Variants in INSL6 observed in about 807,000 individuals in gnomAD.
INSL6 encodes the protein insulin like 6.
INSL6 carries 16 observed loss-of-function variants against 9.4 expected under a neutral mutation model. The observed-to-expected ratio is 1.70, with a 90% CI of 1.15 to 2.59. The LOEUF (loss-of-function observed/expected upper bound fraction) is 2.59. INSL6 is among the 30% of genes most tolerant of loss of function. The pLI is 0.00. For missense variants in INSL6, 391 were observed against 257.3 expected, an observed-to-expected ratio of 1.52 and a Z score of -3.56; for synonymous variants, 154 against 96.9, an observed-to-expected ratio of 1.59 and a Z score of -3.46.
At chr9:5,040,261 T>C in the INSL6 span, among the ~76,000 whole-genome samples, 3 of 151,198 alleles carry the variant, frequency 2.0e-5, no homozygotes, top group Non-Finnish European at 4.4e-5. Flanking sequence ...TGTAAACTAA[T>C]GAAGTAAGAC....
intron 2 of INSL6, among the ~76,000 whole-genome samples, chr9:5,157,346 A>G (rs186936927): frequency 6.6e-6 from 1 of 152,320 alleles, no homozygotes; most frequent in Admixed American, 6.5e-5. Flanking sequence ...TAATTTAAAG[A>G]TGTAATATAC....
chr9:5,169,767 C>A (rs1825137592), intron 1 of INSL6, among the ~76,000 whole-genome samples: 1 of 151,850 alleles, frequency 6.6e-6, no homozygotes, highest in Non-Finnish European at 1.5e-5. Flanking sequence ...ATAAAAAAGA[C>A]AAGAGCGTTA....
At chr9:5,026,445 A>G in the INSL6 span, among the ~76,000 whole-genome samples, 1 of 152,228 alleles carries the variant, frequency 6.6e-6, no homozygotes, top group African/African-American at 2.4e-5. Context: ...GGTCGTGTTA[A>G]TAATTTAAAT....
chr9:5,097,887 C>G, the INSL6 span: 1 of 152,186 alleles, frequency 6.6e-6, no homozygotes, highest in Non-Finnish European at 1.5e-5. Flanking sequence ...CAGACCTACG[C>G]TAAAATTCAC....
the INSL6 span, chr9:5,064,887 T>A: frequency 3.2e-6 from 5 of 1,571,648 alleles, no homozygotes; most frequent in Non-Finnish European, 4.3e-6. Context: ...GCTTAGGAAA[T>A]TGAACTTAGC....
the INSL6 span, among the ~76,000 whole-genome samples, chr9:5,039,215 T>C: frequency 6.6e-6 from 1 of 152,042 alleles, no homozygotes; most frequent in Non-Finnish European, 1.5e-5. Context: ...AGAAGTAAAA[T>C]TGTAGTCATC....
the INSL6 span, chr9:5,089,901 A>G: frequency 1.5e-6 from 2 of 1,367,206 alleles, no homozygotes; most frequent in Non-Finnish European, 1.9e-6. Flanking sequence ...AATTCAAGGT[A>G]TGTGTTTGGC....
chr9:5,167,080 G>A (rs1319170404), intron 1 of INSL6, among the ~76,000 whole-genome samples: 1 of 152,116 alleles, frequency 6.6e-6, no homozygotes, highest in Admixed American at 6.5e-5. Flanking sequence ...GGACTGACTA[G>A]GAGGTTGGCG....
At chr9:5,080,633 G>A in the INSL6 span, 1 of 1,601,064 alleles carries the variant, frequency 6.2e-7, no homozygotes, top group Non-Finnish European at 8.5e-7. Flanking sequence ...CCAGATTTCA[G>A]GCCTTCTTTC....
chr9:5,162,103 A>G (rs1278486151), downstream of INSL6, among the ~76,000 whole-genome samples: 2 of 152,068 alleles, frequency 1.3e-5, no homozygotes, highest in African/African-American at 4.8e-5. Context: ...TCTACTTAAG[A>G]TTTTATTGAC....
chr9:5,108,547 T>C, the INSL6 span: 6 of 152,106 alleles, frequency 3.9e-5, no homozygotes, highest in Non-Finnish European at 7.3e-5. Context: ...AAAATAACTC[T>C]ATTCGGACTT....
At chr9:5,150,037 T>C (rs1010438414) in intron 2 of INSL6, among the ~76,000 whole-genome samples, 5 of 152,180 alleles carry the variant, frequency 3.3e-5, no homozygotes, top group African/African-American at 4.8e-5. Context: ...GAAAATTGGA[T>C]AGCCCTGTGC....
intron 1 of INSL6, among the ~76,000 whole-genome samples, chr9:5,174,843 G>A (rs1025971992): frequency 1.3e-5 from 2 of 151,974 alleles, no homozygotes; most frequent in Admixed American, 6.6e-5. Context: ...TTCCAAACCT[G>A]TTCCACTTCG....
the INSL6 span, among the ~76,000 whole-genome samples, chr9:5,034,372 A>G: frequency 1.3e-5 from 2 of 152,222 alleles, no homozygotes; most frequent in East Asian, 3.8e-4. Flanking sequence ...AATTGAATTC[A>G]GCTCTGGACC....
downstream of INSL6, among the ~76,000 whole-genome samples, chr9:5,120,858 A>G (rs1199815268): frequency 6.6e-6 from 1 of 152,224 alleles, no homozygotes; most frequent in Non-Finnish European, 1.5e-5. Flanking sequence ...TTGTGATGCT[A>G]TTTATTGCAT....
At chr9:5,054,517 A>G in the INSL6 span, 2 of 1,446,110 alleles carry the variant, frequency 1.4e-6, no homozygotes, top group Admixed American at 2.3e-5. The surrounding 1 kb of genome is among the most constrained non-coding windows in gnomAD (Gnocchi z 4.9). Context: ...TTATCTTCCA[A>G]TTTTTGTTTT....
At chr9:5,054,928 C>A in the INSL6 span, 1 of 1,361,248 alleles carries the variant, frequency 7.3e-7, no homozygotes, top group Non-Finnish European at 1.0e-6. This position sits in a 1 kb window ranked among gnomAD's most constrained non-coding sequence, Gnocchi z 4.9. Flanking sequence ...ATTTTAAGTA[C>A]AATGGAAATA....
chr9:5,138,275 A>G (rs1277342797), intron 2 of INSL6, among the ~76,000 whole-genome samples: 2 of 152,232 alleles, frequency 1.3e-5, no homozygotes, highest in African/African-American at 2.4e-5. Flanking sequence ...ATAAAGATAC[A>G]TGCACACATA....
the INSL6 span, among the ~76,000 whole-genome samples, chr9:5,057,653 G>C: frequency 4.7e-5 from 7 of 148,262 alleles, no homozygotes; most frequent in African/African-American, 1.0e-4. Flanking sequence ...CGCGATCTTG[G>C]CTCACTGTAA....
Sources: gnomAD v4.1 joint callset for allele counts (sites outside exome capture counted in the v4.1 genomes callset) on GRCh38, gnomAD v4.1.1 for gene constraint, Gnocchi (gnomAD v3.1) non-coding constraint, MANE v1.5 for transcripts, NCBI Gene and HGNC (gene_info 2026-07-23, HGNC 2026-07-21) for gene names.